The following PLA2G4A variants were observed in gnomAD, a reference collection of about 807,000 sequenced individuals.
PLA2G4A encodes the protein phospholipase A2 group IVA.
Under a neutral mutation model 81.9 loss-of-function variants are expected in PLA2G4A, and 40 were observed. The observed-to-expected ratio is 0.49, with a 90% confidence interval of 0.38 to 0.64. The LOEUF (loss-of-function observed/expected upper bound fraction) is 0.64. Among genes scored for constraint, PLA2G4A ranks in the 30% least tolerant of loss-of-function variants. PLA2G4A has a pLI of 0.00. For missense variants in PLA2G4A, 715 were observed against 905.1 expected (o/e 0.79, Z 2.69); for synonymous variants, 302 against 296.9 (o/e 1.02, Z -0.18).
chr1:186,903,226 CT>C (rs1463700588), intron 5 of PLA2G4A, among the ~76,000 whole-genome samples: 2 of 151,682 alleles, frequency 1.3e-5, no homozygotes, highest in East Asian at 3.9e-4. Context: ...TGATTAATTG[CT>C]GTTTGTTTCT....
intron 13 of PLA2G4A, among the ~76,000 whole-genome samples, chr1:186,951,283 C>A (rs898091339): frequency 6.6e-6 from 1 of 151,924 alleles, no homozygotes; most frequent in African/African-American, 2.4e-5. Flanking sequence ...AGGTAGTTTG[C>A]AGTTTGGTGT....
intron 14 of PLA2G4A, among the ~76,000 whole-genome samples, chr1:186,962,362 A>T (rs1254216446): frequency 6.6e-6 from 1 of 152,080 alleles, no homozygotes; most frequent in Admixed American, 6.6e-5. Context: ...AGTAGGGACT[A>T]CCATACTCCC....
intron 1 of PLA2G4A, among the ~76,000 whole-genome samples, chr1:186,834,761 G>T (rs1651720277): frequency 6.6e-6 from 1 of 152,074 alleles, no homozygotes; most frequent in African/African-American, 2.4e-5. Flanking sequence ...TGCTGATTTT[G>T]CCAAATGTTT....
chr1:186,876,459 C>G (rs1653505953), intron 3 of PLA2G4A, among the ~76,000 whole-genome samples: 1 of 151,986 alleles, frequency 6.6e-6, no homozygotes, highest in African/African-American at 2.4e-5. Flanking sequence ...AGCCCTATTC[C>G]CTAGAGAAGG....
intron 2 of PLA2G4A, among the ~76,000 whole-genome samples, chr1:186,865,095 T>C (rs1652977382): frequency 6.7e-6 from 1 of 148,462 alleles, no homozygotes; most frequent in African/African-American, 2.4e-5. Flanking sequence ...TATATACATA[T>C]ATATATATAT....
intron 5 of PLA2G4A, among the ~76,000 whole-genome samples, chr1:186,903,481 C>T (rs765842557): frequency 2.0e-5 from 3 of 152,130 alleles, no homozygotes; most frequent in African/African-American, 4.8e-5. Context: ...ACCTAGGCTC[C>T]GCAGCAGGAG....
At chr1:186,920,587 T>C (rs940130735) in intron 7 of PLA2G4A, among the ~76,000 whole-genome samples, 6 of 152,228 alleles carry the variant, frequency 3.9e-5, no homozygotes, top group Non-Finnish European at 7.3e-5. Context: ...ATCTGAGGTC[T>C]TTTGTTCCGA....
In PLA2G4A at chr1:186,857,081, A is replaced by AACATGGCAGT. The variant is rs373845506; in HGVS notation, c.33+2694_33+2695insACATGGCAGT. ...GCCATGCAGCCCCCACATATATTAT[A>AACATGGCAGT]CATATATAATATATAATATAATTAT... On this transcript the variant is annotated intron_variant, in intron 2 of 17. Transcript: ENST00000367466. Among the ~76,000 whole-genome samples the AACATGGCAGT allele has an allele frequency of 8.4e-5, 2 of 23,840 alleles. 1 individual carries two copies. Among genetic ancestry groups the AACATGGCAGT allele is most frequent in the African/African-American group, 6.7e-4 (2 of 2,982 alleles). The allele number at this position is 23,840 out of a possible 152,430, so 15.6% of individuals were successfully genotyped here.
chr1:186,862,746 A>G (rs560556271), intron 2 of PLA2G4A, among the ~76,000 whole-genome samples: 153 of 152,180 alleles, frequency 1.0e-3, no homozygotes, highest in Non-Finnish European at 1.7e-3. Context: ...AACCAAATAA[A>G]TATGACTTCC....
chr1:186,877,167 A>T (rs766206995), intron 3 of PLA2G4A, among the ~76,000 whole-genome samples: 18 of 152,064 alleles, frequency 1.2e-4, no homozygotes, highest in Non-Finnish European at 2.2e-4. Context: ...AGTGATCAGA[A>T]GCTCCAGGAA....
intron 15 of PLA2G4A, among the ~76,000 whole-genome samples, chr1:186,972,452 A>G (rs1290678084): frequency 6.6e-6 from 1 of 152,140 alleles, no homozygotes; most frequent in East Asian, 1.9e-4. Flanking sequence ...GGGAAAATGA[A>G]GGGACTTTGG....
intron 2 of PLA2G4A, among the ~76,000 whole-genome samples, chr1:186,864,687 A>G (rs918033372): frequency 6.6e-6 from 1 of 150,496 alleles, no homozygotes; most frequent in African/African-American, 2.4e-5. Flanking sequence ...TATTGAGTTG[A>G]GTTCCTTATA....
intron 3 of PLA2G4A, among the ~76,000 whole-genome samples, chr1:186,889,101 T>C (rs1042219973): frequency 1.3e-5 from 2 of 152,190 alleles, no homozygotes; most frequent in African/African-American, 4.8e-5. Context: ...GAAAATGTGA[T>C]AATGTTACCC....
At chr1:186,830,608 C>CAAAAAAAAAAAAAAAAAAAA (rs55745208) in intron 1 of PLA2G4A, among the ~76,000 whole-genome samples, 7 of 72,692 alleles carry the variant, frequency 9.6e-5, no homozygotes, top group African/African-American at 2.7e-4. Context: ...AGCTCTGTCT[C>CAAAAAAAAAAAAAAAAAAAA]AAAAAAAAAA....
At chr1:186,967,224 C>G (rs1657164446) in intron 15 of PLA2G4A, among the ~76,000 whole-genome samples, 1 of 152,074 alleles carries the variant, frequency 6.6e-6, no homozygotes, top group Non-Finnish European at 1.5e-5. Flanking sequence ...CTTACATGTT[C>G]AAAGTGCTTT....
chr1:186,850,829 T>C (rs1452440287), intron 1 of PLA2G4A, among the ~76,000 whole-genome samples: 1 of 152,036 alleles, frequency 6.6e-6, no homozygotes, highest in Non-Finnish European at 1.5e-5. Flanking sequence ...ATTTTTTTGC[T>C]CCCAAGCACC....
chr1:186,870,324 CT>C, intron 2 of PLA2G4A, 110 bp from the exon 3 acceptor site: 1 of 720,842 alleles, frequency 1.4e-6, no homozygotes, highest in East Asian at 2.7e-5. Context: ...AAGAATGTTT[CT>C]GGTATGCATG....
chr1:186,971,549 C>T (rs545342835), intron 15 of PLA2G4A, among the ~76,000 whole-genome samples: 1 of 151,972 alleles, frequency 6.6e-6, no homozygotes, highest in South Asian at 2.1e-4. Context: ...CAATATATTA[C>T]ACATAATATA....
intron 12 of PLA2G4A, among the ~76,000 whole-genome samples, chr1:186,948,200 T>C (rs1305592709): frequency 6.6e-6 from 1 of 152,140 alleles, no homozygotes; most frequent in Non-Finnish European, 1.5e-5. Flanking sequence ...AAAGTTATCT[T>C]ATAATTTCAT....
Sources: allele counts gnomAD v4.1 joint callset (sites outside exome capture counted in the v4.1 genomes callset), GRCh38; gene constraint gnomAD v4.1.1; transcripts MANE v1.5; gene names NCBI Gene and HGNC (gene_info 2026-07-23, HGNC 2026-07-21).